The following OCIAD1 variants were observed in gnomAD, a reference collection of about 807,000 sequenced individuals.
The protein encoded by OCIAD1 is OCIA domain containing 1.
In OCIAD1, 29 loss-of-function variants were observed where a neutral mutation model predicts 38.9. The ratio of observed to expected loss-of-function variants is 0.74; its 90% CI spans 0.55 to 1.02. The LOEUF (loss-of-function observed/expected upper bound fraction) is 1.02, where lower values mean the gene tolerates loss of function less well. OCIAD1 is among the 50% of genes least tolerant of loss of function. The pLI is 0.00. For missense variants in OCIAD1, 288 were observed against 289.6 expected, an observed-to-expected ratio of 0.99 and a Z score of 0.04; for synonymous variants, 110 against 92.0, an observed-to-expected ratio of 1.20 and a Z score of -1.12.
chr4:48,806,189 C>T (rs1300752000), intron 1 of OCIAD1, among the ~76,000 whole-genome samples: 1 of 152,128 alleles, frequency 6.6e-6, no homozygotes, highest in Non-Finnish European at 1.5e-5. Context: ...ATCGCTTGAA[C>T]CCGGGAGGTG....
chr4:48,847,049 A>T (rs1779036566), intron 4 of OCIAD1, among the ~76,000 whole-genome samples: 1 of 152,170 alleles, frequency 6.6e-6, no homozygotes, highest in Non-Finnish European at 1.5e-5. Context: ...GCTTTAGTAG[A>T]TATTACCAAA....
upstream of OCIAD1, among the ~76,000 whole-genome samples, chr4:48,830,114 T>C (rs17656641): frequency 0.051 from 7,819 of 152,220 alleles, 301 homozygotes; most frequent in East Asian, 0.17. Context: ...TTCTTGTTAG[T>C]GAACCCTGAA....
chr4:48,848,216 T>C (rs958874236), intron 4 of OCIAD1, among the ~76,000 whole-genome samples, 183 bp from the exon 5 acceptor site: 6 of 152,242 alleles, frequency 3.9e-5, no homozygotes, highest in African/African-American at 1.4e-4. Context: ...CTTTGTAGAG[T>C]CTTTTGGATT....
chr4:48,831,662 A>G (rs1777516010), intron 1 of OCIAD1: 1 of 764,830 alleles, frequency 1.3e-6, no homozygotes, highest in Admixed American at 2.4e-5. Context: ...GGATGCCGTT[A>G]TGGGAAATAA....
chr4:48,826,250 C>T (rs538752592), upstream of OCIAD1, among the ~76,000 whole-genome samples: 1 of 152,008 alleles, frequency 6.6e-6, no homozygotes, highest in African/African-American at 2.4e-5. Flanking sequence ...TGTGCTGCAC[C>T]CATTAACTCA....
rs545950486 is a variant in OCIAD1 at position 48,844,881 on chromosome 4, A to G, written c.193+2192A>G. Among the ~76,000 whole-genome samples, 33 of 152,374 alleles carry G rather than the reference A, an allele frequency of 2.2e-4. No individual in the cohort carries two copies. In the South Asian group the frequency reaches 6.4e-3, roughly 30 times the overall value. On this transcript the variant is annotated intron_variant, in intron 4 of 8. Transcript: ENST00000264312. Reference sequence around the variant, plus strand: ...TTATAATACCTAAGACTATGTAAACACTATGTAAATAGTTGTTATACTGTA... The same window carrying G: ...TTATAATACCTAAGACTATGTAAACGCTATGTAAATAGTTGTTATACTGTA...
At chr4:48,818,579 T>A (rs1474983318) in intron 1 of OCIAD1, among the ~76,000 whole-genome samples, 2 of 152,168 alleles carry the variant, frequency 1.3e-5, no homozygotes, top group African/African-American at 4.8e-5. Context: ...ATGAGTTTGA[T>A]GAATTGACAG....
chr4:48,839,678 A>C (rs1778348871), intron 3 of OCIAD1, among the ~76,000 whole-genome samples: 1 of 152,134 alleles, frequency 6.6e-6, no homozygotes, highest in South Asian at 2.1e-4. Flanking sequence ...ATGAAATAAA[A>C]ATTTTTATTG....
intron 3 of OCIAD1, 75 bp downstream of exon 3, chr4:48,833,556 A>ACTTG (rs760127175): frequency 7.8e-6 from 7 of 902,400 alleles, no homozygotes; most frequent in African/African-American, 1.7e-5. Flanking sequence ...TTTGAACCTG[A>ACTTG]AATTATAATA....
intron 7 of OCIAD1, chr4:48,856,407 G>A (rs1242356418): frequency 6.7e-6 from 1 of 149,652 alleles, no homozygotes; most frequent in African/African-American, 2.5e-5. Flanking sequence ...CTTTTTTTTT[G>A]AGACAGAGTT....
intron 4 of OCIAD1, among the ~76,000 whole-genome samples, 166 bp from the exon 5 acceptor site, chr4:48,848,233 A>G (rs917499071): frequency 1.3e-5 from 2 of 152,084 alleles, no homozygotes; most frequent in African/African-American, 4.8e-5. Context: ...GATTTTCGTC[A>G]TATTTCTCTT....
chr4:48,856,319 A>T (rs1486187627), intron 7 of OCIAD1: 1 of 152,222 alleles, frequency 6.6e-6, no homozygotes, highest in Non-Finnish European at 1.5e-5. Context: ...CATCTGTTAG[A>T]CTGGAATGAA....
At chr4:48,822,851 C>T (rs1463038519) in intron 1 of OCIAD1, among the ~76,000 whole-genome samples, 1 of 152,192 alleles carries the variant, frequency 6.6e-6, no homozygotes, top group Non-Finnish European at 1.5e-5. Flanking sequence ...TACCATCTTA[C>T]ACCAGTCAGA....
upstream of OCIAD1, among the ~76,000 whole-genome samples, chr4:48,830,028 T>C (rs1407125431): frequency 1.3e-5 from 2 of 152,178 alleles, no homozygotes; most frequent in East Asian, 3.8e-4. Flanking sequence ...ATCGTTAGAA[T>C]TGACAAAGCA....
Position 48,849,928 on chromosome 4 carries a change from G to T in OCIAD1, c.242-19G>T, listed in dbSNP as rs749191231. On this transcript the variant is annotated intron_variant, in intron 5 of 8. Coordinates refer to ENST00000264312, the MANE Select transcript of OCIAD1 (RefSeq NM_017830.4). Reference sequence around the variant, plus strand: ...AAAGGCACATTCAGTTACACTTTTTGTTTGATTTTACAAATAAGTTGCTTG... The same window carrying T: ...AAAGGCACATTCAGTTACACTTTTTTTTTGATTTTACAAATAAGTTGCTTG... 8 of 1,583,616 alleles carry T rather than the reference G, an allele frequency of 5.1e-6. No individual in the cohort carries two copies. The Admixed American group carries it at 5.8e-5, about 12-fold the overall frequency.
At chr4:48,819,419 A>G (rs1433628529) in intron 1 of OCIAD1, among the ~76,000 whole-genome samples, 4 of 152,132 alleles carry the variant, frequency 2.6e-5, no homozygotes, top group African/African-American at 9.7e-5. Flanking sequence ...GGAAAGGAAA[A>G]ACTGGTACCA....
chr4:48,813,343 T>C (rs1040120971), intron 1 of OCIAD1, among the ~76,000 whole-genome samples: 10 of 152,200 alleles, frequency 6.6e-5, no homozygotes, highest in Non-Finnish European at 1.2e-4. Flanking sequence ...AGTGTTATCC[T>C]ACAGGCATAT....
At chr4:48,815,394 T>A (rs1350020165) in intron 1 of OCIAD1, among the ~76,000 whole-genome samples, 1 of 152,204 alleles carries the variant, frequency 6.6e-6, no homozygotes, top group Non-Finnish European at 1.5e-5. Context: ...GACTCAGGAT[T>A]GACAATGTAT....
At chr4:48,824,245 G>A (rs750018033) in intron 1 of OCIAD1, among the ~76,000 whole-genome samples, 5 of 151,708 alleles carry the variant, frequency 3.3e-5, no homozygotes, top group Non-Finnish European at 7.4e-5. Flanking sequence ...GCCTCCCAAA[G>A]TGCTGGGATT....
Sources: allele counts gnomAD v4.1 joint callset (sites outside exome capture counted in the v4.1 genomes callset), GRCh38; gene constraint gnomAD v4.1.1; transcripts MANE v1.5; gene names NCBI Gene and HGNC (gene_info 2026-07-23, HGNC 2026-07-21).